LRPPRC: variants seen among roughly 807,000 people sequenced by gnomAD.
LRPPRC encodes the protein leucine rich pentatricopeptide repeat containing.
Under a neutral mutation model 180.3 loss-of-function variants are expected in LRPPRC, and 120 were observed. The ratio of observed to expected loss-of-function variants is 0.67; its 90% CI spans 0.57 to 0.77. LRPPRC has a LOEUF of 0.77. LRPPRC is among the 30% of genes least tolerant of loss of function. The pLI, the probability that LRPPRC is intolerant of heterozygous loss-of-function variation, is 0.00. For missense variants in LRPPRC, 2,012 were observed against 1,657.2 expected (o/e 1.21, Z -3.72); for synonymous variants, 723 against 600.0 (o/e 1.21, Z -3.00).
At chr2:43,893,289 T>C (rs532307596) in intron 36 of LRPPRC, among the ~76,000 whole-genome samples, 2 of 152,354 alleles carry the variant, frequency 1.3e-5, no homozygotes, top group South Asian at 4.1e-4. Flanking sequence ...TGGTATGGTT[T>C]GAGAAGATTG....
Position 43,934,206 on chromosome 2 carries a change from G to A in LRPPRC, c.2720C>T (p.Ala907Val). ...AAATCACACCTCAATGATCTTCTTGGCCTCTTTGTAATTTCCTGTTTGTAG... is the reference window on the plus strand; with the variant it reads ...AAATCACACCTCAATGATCTTCTTGACCTCTTTGTAATTTCCTGTTTGTAG... ...AFLQTGNYKE[A>V]KKIIETPGIR... The change falls in exon 25 of 38, where the codon GCC becomes GTC. Residue 907 changes from alanine to valine, a missense_variant. Coordinates refer to ENST00000260665, the MANE Select transcript of LRPPRC (RefSeq NM_133259.4). 1.3e-6 allele frequency: 2 copies of A among 1,596,032 alleles called. No homozygotes were observed. Among genetic ancestry groups the A allele is most frequent in the Non-Finnish European group, 1.7e-6 (2 of 1,164,112 alleles).
intron 11 of LRPPRC, among the ~76,000 whole-genome samples, chr2:43,969,281 G>A (rs978191656): frequency 1.5e-4 from 23 of 151,908 alleles, no homozygotes; most frequent in Admixed American, 8.5e-4. Context: ...GCGTGGTGGC[G>A]GGCGCCTGTA....
intron 23 of LRPPRC, among the ~76,000 whole-genome samples, chr2:43,936,007 C>G (rs138480964): frequency 3.9e-4 from 60 of 151,972 alleles, no homozygotes; most frequent in African/African-American, 1.2e-3. Flanking sequence ...CCCTTGAACC[C>G]GGGAGGTGGA....
intron 37 of LRPPRC, among the ~76,000 whole-genome samples, chr2:43,888,952 A>C (rs776734921): frequency 6.6e-6 from 1 of 152,188 alleles, no homozygotes; most frequent in Non-Finnish European, 1.5e-5. Flanking sequence ...GAGGTGTTTG[A>C]AATAAACACG....
chr2:43,995,931 C>G lies in LRPPRC; in HGVS notation c.17G>C (p.Arg6Thr). The G allele has an allele frequency of 1.3e-6, 2 of 1,521,280 alleles. No homozygotes were observed. The highest frequency in any genetic ancestry group is 1.2e-5 in the South Asian group (1 of 82,624). 94.2% of individuals were successfully genotyped at this position (1,521,280 alleles called of 1,614,324 possible). A position where few individuals can be genotyped will look rare whatever the true frequency, so the allele number is the denominator to read the frequency against. The change falls in exon 1 of 38, where the codon AGA (arginine) becomes ACA (threonine). Residue 6 changes from arginine (R) to threonine (T), a missense_variant. By Grantham distance (71) the Arg-to-Thr change is moderately conservative. Transcript: ENST00000260665. MAALL[R>T]SARWLLRAGA... The stretch of plus-strand genomic sequence containing the variant: ...GGCACGCAGCAACCAACGCGCGGAT[C>G]TCAGCAGGGCTGCCATTGCTCGAAC...
chr2:43,934,285 CA>C lies in LRPPRC; in HGVS notation c.2640del (p.Phe880LeufsTer2). 1 of 1,583,104 alleles carries C rather than the reference CA, an allele frequency of 6.3e-7. No individual in the cohort carries two copies. The highest frequency in any genetic ancestry group is 1.1e-5 in the South Asian group (1 of 90,346). On this transcript the variant is annotated frameshift_variant, in exon 25 of 38. Coordinates refer to ENST00000260665, the MANE Select transcript of LRPPRC (RefSeq NM_133259.4). LOFTEE classifies it high-confidence loss of function. ...ETDLIQKAMD[F>X]VSQEQGEMVM... ...ACCATTTCACCTTGTTCTTGGCTCA[CA>C]AAGTCCATTGCTAGGTAGGAGAGAA... is the stretch of plus-strand genomic sequence containing the variant.
intron 22 of LRPPRC, 42 bp from the exon 23 acceptor site, chr2:43,943,936 T>C (rs1353708570): frequency 1.4e-6 from 2 of 1,430,814 alleles, no homozygotes; most frequent in East Asian, 2.3e-5. Flanking sequence ...TAATTTCATG[T>C]AGGGAAAACA....
rs1340232756 is a variant in LRPPRC, at chr2:43,995,879, G to A, written c.69C>T (p.Ser23=). Residue 23 remains serine, a synonymous_variant, in exon 1 of 38, where the codon TCC becomes TCT. Coordinates refer to ENST00000260665, the MANE Select transcript of LRPPRC (RefSeq NM_133259.4). ...RAGAAPRLPL[S]LRLLPGGPGR... ...CCGGGCCGCCAGGGAGGAGGCGCAG[G>A]GAGAGCGGGAGGCGCGGGGCCGCCC... is the stretch of plus-strand genomic sequence containing the variant. 2 of 1,506,138 alleles carry A rather than the reference G, an allele frequency of 1.3e-6. No homozygotes were observed. Among genetic ancestry groups the A allele is most frequent in the East Asian group, 5.4e-5 (2 of 36,928 alleles). The allele number at this position is 1,506,138 out of a possible 1,614,324, so 93.3% of individuals were successfully genotyped here.
chr2:43,915,153 GGCAGAGGTTGCGCCACT>G (rs1311710336), intron 29 of LRPPRC, among the ~76,000 whole-genome samples: 1 of 148,734 alleles, frequency 6.7e-6, no homozygotes, highest in African/African-American at 2.5e-5. Flanking sequence ...GAGTCCAGAA[GGCAGAGGTTGCGCCACT>G]GCACTCCGGC....
rs1243651999 is a variant in LRPPRC at position 43,934,211 on chromosome 2, T to C, written c.2715A>G (p.Lys905=). The change falls in exon 25 of 38, where the codon AAA becomes AAG. Residue 905 remains lysine (K), a synonymous_variant. Coordinates refer to ENST00000260665, the MANE Select transcript of LRPPRC (RefSeq NM_133259.4). The part of the protein sequence containing the change: ...FFAFLQTGNY[K]EAKKIIETPG... ...ACACCTCAATGATCTTCTTGGCCTCTTTGTAATTTCCTGTTTGTAGGAAGG... is the reference window on the plus strand; with the variant it reads ...ACACCTCAATGATCTTCTTGGCCTCCTTGTAATTTCCTGTTTGTAGGAAGG... 1 of 1,605,020 alleles carries C rather than the reference T, an allele frequency of 6.2e-7. No homozygotes were observed. Among genetic ancestry groups the C allele is most frequent in the African/African-American group, 1.3e-5 (1 of 74,730 alleles).
chr2:43,912,554 T>C lies in LRPPRC; in HGVS notation c.3153A>G (p.Ala1051=), dbSNP rs1486703873. 3 of 1,609,000 alleles carry C rather than the reference T, an allele frequency of 1.9e-6. No homozygotes were observed. Among genetic ancestry groups the C allele is most frequent in the African/African-American group, 1.3e-5 (1 of 74,812 alleles). The stretch of plus-strand genomic sequence containing the variant: ...CTTTTGCATTCAGGAAAATATCATA[T>C]GCCCCTATGAGAGAAAACAGACAAA... ...IACRLNQKKG[A]YDIFLNAKEQ... The change falls in exon 30 of 38, where the codon GCA becomes GCG. Residue 1051 remains alanine, a synonymous_variant. Transcript: ENST00000260665.
rs759213083 is a variant in LRPPRC at position 43,896,677 on chromosome 2, A to T, written c.3857T>A (p.Ile1286Asn). The T allele has an allele frequency of 1.2e-6, 2 of 1,612,698 alleles. No individual in the cohort carries two copies. The highest frequency in any genetic ancestry group is 2.2e-5 in the South Asian group (2 of 91,038). The change falls in exon 35 of 38, where the codon ATT becomes AAT. Residue 1286 changes from isoleucine (I) to asparagine (N), a missense_variant. Physicochemically the swap from Ile to Asn is moderately radical, Grantham distance 149. Transcript: ENST00000260665. ...RCGAIAEQTPILLLFLLRNSR... is the reference protein window; with the variant it reads ...RCGAIAEQTPNLLLFLLRNSR... The stretch of plus-strand genomic sequence containing the variant: ...ATTCCTAAGGAGGAACAACAACAAA[A>T]TCGGGGTTTGTTCAGCAATTGCACC...
chr2:43,978,250 A>C (rs369657827), intron 3 of LRPPRC, among the ~76,000 whole-genome samples: 2 of 152,148 alleles, frequency 1.3e-5, no homozygotes, highest in African/African-American at 4.8e-5. Context: ...ATAAATCTGT[A>C]AACAAGAGTC....
intron 27 of LRPPRC, among the ~76,000 whole-genome samples, chr2:43,921,847 T>C (rs1671711307): frequency 6.6e-6 from 1 of 152,224 alleles, no homozygotes; most frequent in Admixed American, 6.5e-5. Context: ...GAATCATTAC[T>C]GAGACGGAAT....
intron 1 of LRPPRC, among the ~76,000 whole-genome samples, chr2:43,984,726 TG>T (rs1674452171): frequency 1.3e-5 from 2 of 152,202 alleles, no homozygotes; most frequent in African/African-American, 4.8e-5. Flanking sequence ...GGGGTGACGG[TG>T]GGGCCCCACA....
intron 25 of LRPPRC, among the ~76,000 whole-genome samples, chr2:43,929,659 C>T (rs1162861588): frequency 1.3e-5 from 2 of 152,116 alleles, no homozygotes; most frequent in Non-Finnish European, 2.9e-5. Flanking sequence ...GTTCAAGGAT[C>T]AACTATATTT....
chr2:43,995,783 G>A lies in LRPPRC; in HGVS notation c.149+16C>T, dbSNP rs1266095281. On this transcript the variant is annotated intron_variant, in intron 1 of 37. Transcript: ENST00000260665. Reference sequence around the variant, plus strand: ...TGGCGCCGCAGCTTGCCTGGAGAAAGGGCCTGGGCACTCACCCGGCCACGG... The same window carrying A: ...TGGCGCCGCAGCTTGCCTGGAGAAAAGGCCTGGGCACTCACCCGGCCACGG... 2 of 1,355,152 alleles carry A rather than the reference G, an allele frequency of 1.5e-6. No individual in the cohort carries two copies. The highest frequency in any genetic ancestry group is 3.1e-5 in the East Asian group (1 of 32,784). The allele number at this position is 1,355,152 out of a possible 1,614,324, so 83.9% of individuals were successfully genotyped here.
intron 2 of LRPPRC, among the ~76,000 whole-genome samples, chr2:43,980,908 T>C (rs1674277803): frequency 6.6e-6 from 1 of 152,166 alleles, no homozygotes; most frequent in African/African-American, 2.4e-5. Flanking sequence ...ATTGTAGTGA[T>C]GGTTGAATAA....
In LRPPRC at chr2:43,948,201, T is replaced by C. The variant is rs2103617318; in HGVS notation, c.1843-2A>G. 1 of 1,559,974 alleles carries C rather than the reference T, an allele frequency of 6.4e-7. No homozygotes were observed. The highest frequency in any genetic ancestry group is 8.8e-7 in the Non-Finnish European group (1 of 1,130,802). On this transcript the variant is annotated splice_acceptor_variant, in intron 17 of 37. Transcript: ENST00000260665. LOFTEE classifies it high-confidence loss of function. ...GATATTTTCAGGAATTTTTACATTC[T>C]GTGAGAAGGGAAGGGAGGGGGGAAA...
Sources: allele counts gnomAD v4.1 joint callset (sites outside exome capture counted in the v4.1 genomes callset), GRCh38; gene constraint gnomAD v4.1.1; transcripts MANE v1.5; gene names NCBI Gene and HGNC (gene_info 2026-07-23, HGNC 2026-07-21).